PIK3C2B: variants seen among roughly 807,000 people sequenced by gnomAD.
PIK3C2B encodes the protein phosphatidylinositol 4-phosphate 3-kinase C2 domain-containing subunit beta.
In PIK3C2B, 83 loss-of-function variants were observed where a neutral mutation model predicts 184.3. The observed-to-expected ratio is 0.45, with a 90% confidence interval of 0.38 to 0.54. The LOEUF (loss-of-function observed/expected upper bound fraction) is 0.54. Among genes scored for constraint, PIK3C2B ranks in the 20% least tolerant of loss-of-function variants. PIK3C2B has a pLI of 0.00. For synonymous variants in PIK3C2B, 779 were observed against 837.6 expected, an observed-to-expected ratio of 0.93 and a Z score of 1.21; for missense variants, 1,736 against 2,113.5, an observed-to-expected ratio of 0.82 and a Z score of 3.50.
At chr1:204,487,477 C>T (rs1657687614) in intron 1 of PIK3C2B, among the ~76,000 whole-genome samples, 2 of 152,136 alleles carry the variant, frequency 1.3e-5, no homozygotes, top group Non-Finnish European at 2.9e-5. Flanking sequence ...AGTACATGCT[C>T]CAGTACAGAA....
rs770569362 is a variant in PIK3C2B at position 204,469,631 on chromosome 1, T to C, written c.172A>G (p.Ile58Val). 3.1e-6 allele frequency: 5 copies of C among 1,611,416 alleles called. No individual in the cohort carries two copies. In the South Asian group the frequency reaches 4.4e-5, roughly 14 times the overall value. The change falls in exon 2 of 33, where the codon ATC becomes GTC. Residue 58 changes from isoleucine (I) to valine (V), a missense_variant. Coordinates refer to ENST00000684373, the MANE Select transcript of PIK3C2B (RefSeq NM_001377334.1). ...TCTACCCCAGGCTCATCCCAGCTGA[T>C]GAGAGAGGGGTCTGCGTTCTGCTTG... ...RAKQNADPSL[I>V]SWDEPGVDFY...
At chr1:204,482,138 G>A (rs1657217045) in intron 1 of PIK3C2B, among the ~76,000 whole-genome samples, 1 of 144,238 alleles carries the variant, frequency 6.9e-6, no homozygotes, top group Non-Finnish European at 1.5e-5. Flanking sequence ...GCTCTCTAAT[G>A]TTAGGCCCCA....
At chr1:204,428,286 G>A in intron 29 of PIK3C2B, 66 bp from the exon 30 acceptor site, 2 of 942,250 alleles carry the variant, frequency 2.1e-6, no homozygotes, top group Non-Finnish European at 3.4e-6. Flanking sequence ...AAAGGAAGGG[G>A]ACTGTTCCAG....
intron 10 of PIK3C2B, chr1:204,456,304 A>G: frequency 2.8e-6 from 1 of 351,252 alleles, no homozygotes; most frequent in Non-Finnish European, 5.1e-6. Flanking sequence ...GCTACTTAGC[A>G]TTAAAATGTC....
intron 1 of PIK3C2B, among the ~76,000 whole-genome samples, chr1:204,475,042 C>T (rs1047663197): frequency 1.3e-5 from 2 of 152,090 alleles, no homozygotes; most frequent in Non-Finnish European, 2.9e-5. Flanking sequence ...AATTCAAGCC[C>T]TTATCTTCTC....
At position 204,431,771 on chromosome 1, in the gene PIK3C2B, C is replaced by G. The variant is rs1254651467; in HGVS notation, c.4178G>C (p.Arg1393Pro). 6.2e-7 allele frequency: 1 copy of G among 1,614,070 alleles called. No homozygotes were observed. Among genetic ancestry groups the G allele is most frequent in the Non-Finnish European group, 8.5e-7 (1 of 1,180,042 alleles). ...GTAGGTGGCCTCGTGAGTGTTCTCT[C>G]GCATCACCTTTACCACATATATCTG... ...KGYIYVVKVM[R>P]ENTHEATYIQ... Residue 1393 changes from arginine (R) to proline (P), a missense_variant, in exon 28 of 33, where the codon CGA becomes CCA. By Grantham distance (103) the Arg-to-Pro change is moderately radical. This residue lies in a region of PIK3C2B where 200 missense variants were observed against 199.1 expected (regional missense o/e 1.00). Transcript: ENST00000684373.
rs773879709 is a variant in PIK3C2B at position 204,469,493 on chromosome 1, T to C, written c.310A>G (p.Asn104Asp). ...TGTGGCCCTTGGGAGGTAGAGTGGT[T>C]GGGCGGCCCTTCCTGTGGGGAGAGT... ...NSLSPQEGPP[N>D]HSTSQGPQPG... Residue 104 changes from asparagine to aspartate, a missense_variant, in exon 2 of 33, where the codon AAC becomes GAC. Physicochemically the swap from Asn to Asp is conservative, Grantham distance 23. This residue lies in a region of PIK3C2B where 404 missense variants were observed against 418.0 expected (regional missense o/e 0.97). Transcript: ENST00000684373. 1.9e-6 allele frequency: 3 copies of C among 1,607,584 alleles called. No individual in the cohort carries two copies. The highest frequency in any genetic ancestry group is 2.5e-6 in the Non-Finnish European group (3 of 1,176,702).
chr1:204,493,522 AAAACAC>A (rs1658148339), intron 1 of PIK3C2B, among the ~76,000 whole-genome samples: 1 of 23,210 alleles, frequency 4.3e-5, no homozygotes, highest in African/African-American at 9.7e-5. Flanking sequence ...GCAATGGCAG[AAAACAC>A]ACACACACAC....
rs1299839430 is a variant in PIK3C2B, at chr1:204,447,077, G to A, written c.2489+359C>T. Among the ~76,000 whole-genome samples, 3 of 151,952 alleles carry A rather than the reference G, an allele frequency of 2.0e-5. No homozygotes were observed. Among genetic ancestry groups the A allele is most frequent in the Admixed American group, 1.3e-4 (2 of 15,268 alleles). ...ATTCAAAGGCTGTTGGTGTGGAAGG[G>A]GCAGGAGGTGAGAGCAAGAGGTGGG... On this transcript the variant is annotated intron_variant, in intron 15 of 32. Transcript: ENST00000684373. The surrounding 1 kb of genome is among the most constrained non-coding windows in gnomAD (Gnocchi z 4.1).
chr1:204,446,338 C>G (rs1277481752), intron 15 of PIK3C2B, among the ~76,000 whole-genome samples, 194 bp from the exon 16 acceptor site: 1 of 152,218 alleles, frequency 6.6e-6, no homozygotes, highest in African/African-American at 2.4e-5. Context: ...CTGGGTCACA[C>G]CTGATACCAG....
chr1:204,472,554 G>A (rs928873386), intron 1 of PIK3C2B, among the ~76,000 whole-genome samples: 16 of 151,868 alleles, frequency 1.1e-4, no homozygotes, highest in Admixed American at 3.3e-4. Context: ...TGAGGTGGAC[G>A]GATCACCTGA....
At chr1:204,465,172 C>CCTCCCCCA in intron 3 of PIK3C2B, 47 bp downstream of exon 3, 1 of 820,644 alleles carries the variant, frequency 1.2e-6, no homozygotes. Context: ...CCCCCCTCCC[C>CCTCCCCCA]ATCCCCCATA....
chr1:204,459,261 CCCA>C (rs561607523), intron 8 of PIK3C2B, among the ~76,000 whole-genome samples: 98 of 152,366 alleles, frequency 6.4e-4, no homozygotes, highest in African/African-American at 2.3e-3. Flanking sequence ...AAGCAATTCT[CCCA>C]CCTCAGTTTC....
intron 29 of PIK3C2B, 139 bp downstream of exon 29, chr1:204,429,782 A>G: frequency 1.5e-6 from 1 of 657,246 alleles, no homozygotes; most frequent in South Asian, 1.8e-5. Flanking sequence ...TGCAGACTGG[A>G]GCATTGGTCA....
chr1:204,478,390 G>A (rs1383945823), intron 1 of PIK3C2B, among the ~76,000 whole-genome samples: 8 of 152,056 alleles, frequency 5.3e-5, no homozygotes, highest in South Asian at 2.1e-4. Flanking sequence ...CCAGGAATCC[G>A]ACTCCTACAG....
Position 204,487,177 on chromosome 1 carries a change from C to T in PIK3C2B, c.-85+7179G>A, listed in dbSNP as rs1204251021. ...CTGGAGTGCAGTGGTGCAATCATAG[C>T]TTACTGTAACCTCAAACTCCCCAGG... On this transcript the variant is annotated intron_variant, in intron 1 of 32. Transcript: ENST00000684373. Among the ~76,000 whole-genome samples, 4 of 152,168 alleles carry T rather than the reference C, an allele frequency of 2.6e-5. No homozygotes were observed. The South Asian group carries it at 8.3e-4, about 32-fold the overall frequency.
At chr1:204,491,720 AC>A (rs1658027287) in intron 1 of PIK3C2B, among the ~76,000 whole-genome samples, 1 of 152,164 alleles carries the variant, frequency 6.6e-6, no homozygotes. Context: ...TTCTCCCAAG[AC>A]CCAATATCTC....
chr1:204,493,964 T>C (rs1658188110), intron 1 of PIK3C2B, among the ~76,000 whole-genome samples: 1 of 152,202 alleles, frequency 6.6e-6, no homozygotes, highest in Non-Finnish European at 1.5e-5. Flanking sequence ...ACTAACCCCA[T>C]CACAGGACAG....
chr1:204,443,274 C>T lies in PIK3C2B; in HGVS notation c.3048+143G>A, dbSNP rs12080511. ...ATCCAGCTTGTGGACTGCCTGTTTA[C>T]GGCCTAGTTTCCAGAGTCAGCTGCT... On this transcript the variant is annotated intron_variant, in intron 19 of 32. Coordinates refer to ENST00000684373, the MANE Select transcript of PIK3C2B (RefSeq NM_001377334.1). 8.1e-3 allele frequency: 5,548 copies of T among 686,376 alleles called. 194 individuals are homozygous for T. Among genetic ancestry groups the T allele is most frequent in the African/African-American group, 0.077 (4,297 of 55,778 alleles). The allele number at this position is 686,376 out of a possible 1,614,324, so 42.5% of individuals were successfully genotyped here. A position where few individuals can be genotyped will look rare whatever the true frequency, so the allele number is the denominator to read the frequency against.
Sources: allele counts gnomAD v4.1 joint callset (sites outside exome capture counted in the v4.1 genomes callset), GRCh38; gene constraint gnomAD v4.1.1; regional missense constraint gnomAD v4.1.1; non-coding constraint Gnocchi (gnomAD v3.1); transcripts MANE v1.5; gene names NCBI Gene and HGNC (gene_info 2026-07-23, HGNC 2026-07-21).